The following PLEKHH1 variants were observed in gnomAD, a reference collection of about 807,000 sequenced individuals.
PLEKHH1 encodes the protein pleckstrin homology, MyTH4 and FERM domain containing H1, also known as pleckstrin homology domain-containing family H member 1.
In PLEKHH1, 104 loss-of-function variants were observed where a neutral mutation model predicts 160.0. The ratio of observed to expected loss-of-function variants is 0.65; its 90% confidence interval spans 0.55 to 0.76. PLEKHH1 has a LOEUF of 0.76. Ranked by LOEUF, PLEKHH1 falls within the 30% of genes least tolerant of loss-of-function variation. PLEKHH1 has a pLI of 0.00. For synonymous variants in PLEKHH1, 619 were observed against 678.4 expected, an observed-to-expected ratio of 0.91 and a Z score of 1.36; for missense variants, 1,427 against 1,724.1, an observed-to-expected ratio of 0.83 and a Z score of 3.05.
At position 67,576,698 on chromosome 14, in the gene PLEKHH1, G is replaced by C. The variant is rs2035637716; in HGVS notation, c.2461+195G>C. ...ATACTAAGGTGACCACTCTGCATCT[G>C]GGGGAGTTTATCTGGGAAGCAGGCT... is the stretch of plus-strand genomic sequence containing the variant. On this transcript the variant is annotated intron_variant, in intron 17 of 28. Transcript: ENST00000329153. This position sits in a 1 kb window ranked among gnomAD's most constrained non-coding sequence, Gnocchi z 4.0. Among the ~76,000 whole-genome samples the C allele has an allele frequency of 6.6e-6, 1 of 152,202 alleles. No individual in the cohort carries two copies. Among genetic ancestry groups the C allele is most frequent in the South Asian group, 2.1e-4 (1 of 4,836 alleles).
At chr14:67,543,700 G>C (rs765934918) in intron 2 of PLEKHH1, among the ~76,000 whole-genome samples, 5 of 151,990 alleles carry the variant, frequency 3.3e-5, no homozygotes, top group Non-Finnish European at 7.4e-5. Flanking sequence ...AGGATAAGTA[G>C]GGATTGACTC....
At chr14:67,575,781 C>T in intron 15 of PLEKHH1, 42 bp from the exon 16 acceptor site, 2 of 1,511,636 alleles carry the variant, frequency 1.3e-6, no homozygotes, top group South Asian at 1.2e-5. Flanking sequence ...ACTCCCTCAT[C>T]CCCCACTGGC....
chr14:67,561,963 G>T lies in PLEKHH1; in HGVS notation c.433G>T (p.Glu145Ter), dbSNP rs866128890. ...TTTTCTTTTTGCTCAGCTTGAGATG[G>T]AGAATCAGCATCTGAAAAGCCATAA... ...VTLKLAKLEM[E>*]NQHLKSHNQR... is the part of the protein sequence containing the mutation. The change falls in exon 6 of 29, where the codon GAG (glutamate) becomes TAG (stop). Residue 145 changes from glutamate (E) to a stop codon, truncating the protein, a stop_gained. Transcript: ENST00000329153. LOFTEE classifies it high-confidence loss of function. 2 of 1,613,032 alleles carry T rather than the reference G, an allele frequency of 1.2e-6. No homozygotes were observed. Among genetic ancestry groups the T allele is most frequent in the African/African-American group, 2.7e-5 (2 of 74,870 alleles).
intron 26 of PLEKHH1, 124 bp from the exon 27 acceptor site, chr14:67,585,444 A>C (rs2036105452): frequency 1.5e-6 from 1 of 671,030 alleles, no homozygotes; most frequent in East Asian, 2.7e-5. Context: ...TTTGTTTTCC[A>C]AGATGAGGTG....
chr14:67,538,770 C>G (rs946087016), intron 1 of PLEKHH1, among the ~76,000 whole-genome samples: 2 of 152,118 alleles, frequency 1.3e-5, no homozygotes, highest in African/African-American at 4.8e-5. Flanking sequence ...TCCTCTCCAT[C>G]CCCAAGGCAG....
At chr14:67,584,230 A>G in intron 26 of PLEKHH1, 106 bp downstream of exon 26, 1 of 1,107,010 alleles carries the variant, frequency 9.0e-7, no homozygotes, top group Non-Finnish European at 1.3e-6. Flanking sequence ...AGTAACCACC[A>G]GAGGTCACTA....
intron 2 of PLEKHH1, among the ~76,000 whole-genome samples, chr14:67,553,345 C>G (rs1473081509): frequency 6.6e-6 from 1 of 152,094 alleles, no homozygotes; most frequent in African/African-American, 2.4e-5. Flanking sequence ...TGCTCCTCAT[C>G]ATTGCATTCA....
intron 2 of PLEKHH1, among the ~76,000 whole-genome samples, chr14:67,554,296 G>C (rs1376361519): frequency 2.6e-5 from 4 of 152,188 alleles, no homozygotes; most frequent in Non-Finnish European, 5.9e-5. Context: ...TTGGGAAAGA[G>C]AGAAGGATTG....
At chr14:67,560,858 G>A (rs1001804772) in intron 5 of PLEKHH1, among the ~76,000 whole-genome samples, 1 of 151,612 alleles carries the variant, frequency 6.6e-6, no homozygotes, top group Non-Finnish European at 1.5e-5. Flanking sequence ...AGCCTCCTGA[G>A]TAGCTGGGAT....
intron 7 of PLEKHH1, among the ~76,000 whole-genome samples, chr14:67,565,696 A>G (rs920617097): frequency 1.3e-5 from 2 of 152,188 alleles, no homozygotes; most frequent in African/African-American, 4.8e-5. Context: ...GGGACAGCTA[A>G]GCGTTGGCTC....
intron 7 of PLEKHH1, 61 bp from the exon 8 acceptor site, chr14:67,569,077 C>T (rs2035244427): frequency 1.7e-6 from 2 of 1,167,992 alleles, no homozygotes; most frequent in African/African-American, 1.5e-5. Context: ...CTGCACATGC[C>T]TGGAGGGGGT....
chr14:67,561,869 CAAA>C (rs373609799), intron 5 of PLEKHH1, 82 bp from the exon 6 acceptor site: 8,078 of 728,942 alleles, frequency 0.011, no homozygotes, highest in Middle Eastern at 0.017. Context: ...GACCCTGTCT[CAAA>C]AAAAAAAAAA....
chr14:67,534,862 G>A (rs2033639570), intron 1 of PLEKHH1, among the ~76,000 whole-genome samples: 1 of 152,044 alleles, frequency 6.6e-6, no homozygotes, highest in South Asian at 2.1e-4. Flanking sequence ...CATTTTCTGG[G>A]ACTTTATCCT....
At chr14:67,572,335 G>T in intron 11 of PLEKHH1, 58 bp downstream of exon 11, 2 of 1,490,630 alleles carry the variant, frequency 1.3e-6, no homozygotes, top group Non-Finnish European at 9.0e-7. Context: ...AGGCTGCTGG[G>T]GCCCTCAGCA....
intron 1 of PLEKHH1, among the ~76,000 whole-genome samples, chr14:67,535,257 G>A (rs1477976431): frequency 1.3e-5 from 2 of 151,892 alleles, no homozygotes; most frequent in Non-Finnish European, 2.9e-5. Flanking sequence ...ACAGGCATGG[G>A]AAGAAGCCTT....
At chr14:67,570,476 A>G (rs1449130045) in intron 9 of PLEKHH1, 2 of 180,154 alleles carry the variant, frequency 1.1e-5, no homozygotes, top group Admixed American at 6.4e-5. Context: ...AATTTTTTAT[A>G]GAAGAATAAA....
intron 26 of PLEKHH1, 105 bp downstream of exon 26, chr14:67,584,229 C>T: frequency 1.8e-6 from 2 of 1,128,352 alleles, no homozygotes; most frequent in Non-Finnish European, 2.6e-6. Flanking sequence ...CAGTAACCAC[C>T]AGAGGTCACT....
intron 3 of PLEKHH1, 146 bp from the exon 4 acceptor site, chr14:67,557,123 A>G (rs1050409442): frequency 1.7e-4 from 102 of 613,992 alleles, no homozygotes; most frequent in Admixed American, 9.0e-5. Context: ...ACTTAATTGA[A>G]TTAATTGGCT....
intron 26 of PLEKHH1, chr14:67,584,970 C>T (rs1377955992): frequency 6.6e-6 from 1 of 152,344 alleles, no homozygotes; most frequent in Non-Finnish European, 1.5e-5. Context: ...GTCTATCTGC[C>T]TCCCTTTGGG....
Sources: allele counts gnomAD v4.1 joint callset (sites outside exome capture counted in the v4.1 genomes callset), GRCh38; gene constraint gnomAD v4.1.1; non-coding constraint Gnocchi (gnomAD v3.1); transcripts MANE v1.5; gene names NCBI Gene and HGNC (gene_info 2026-07-23, HGNC 2026-07-21).